ST8SIA4: variants seen among roughly 807,000 people sequenced by gnomAD.
The protein encoded by ST8SIA4 is ST8 alpha-N-acetyl-neuraminide alpha-2,8-sialyltransferase 4, also known as CMP-N-acetylneuraminate-poly-alpha-2,8-sialyltransferase.
ST8SIA4 carries 15 observed loss-of-function variants against 33.9 expected under a neutral mutation model. That is an observed-to-expected ratio of 0.44 (90% confidence interval 0.30 to 0.68). ST8SIA4 has a LOEUF of 0.68. Ranked by LOEUF, ST8SIA4 falls within the 30% of genes least tolerant of loss-of-function variation. The probability of loss-of-function intolerance (pLI) is 0.10; values close to 1 mark genes in which losing one functional copy is unlikely to be tolerated. For missense variants in ST8SIA4, 321 were observed against 428.0 expected (o/e 0.75, Z 2.21); for synonymous variants, 171 against 151.2 (o/e 1.13, Z -0.96).
intron 4 of ST8SIA4, among the ~76,000 whole-genome samples, chr5:100,847,366 A>G (rs1751591937): frequency 6.6e-6 from 1 of 152,010 alleles, no homozygotes; most frequent in Non-Finnish European, 1.5e-5. Flanking sequence ...TCTATTGATG[A>G]TGTATTTTAG....
chr5:100,852,312 G>C (rs545108890), intron 4 of ST8SIA4, among the ~76,000 whole-genome samples: 1 of 151,376 alleles, frequency 6.6e-6, no homozygotes, highest in Admixed American at 6.6e-5. Context: ...AGTAGAGGCG[G>C]GGTTTCGCCA....
intron 4 of ST8SIA4, among the ~76,000 whole-genome samples, chr5:100,823,411 C>A (rs926342159): frequency 6.6e-6 from 1 of 152,186 alleles, no homozygotes; most frequent in African/African-American, 2.4e-5. Flanking sequence ...TCTTATATTC[C>A]TTTACTTTCT....
chr5:100,820,288 A>G (rs1048891023), intron 4 of ST8SIA4, among the ~76,000 whole-genome samples: 1 of 152,094 alleles, frequency 6.6e-6, no homozygotes. Context: ...AACTACCCCT[A>G]CTTTATCTGA....
chr5:100,817,350 G>T (rs1750952377), intron 4 of ST8SIA4, among the ~76,000 whole-genome samples: 1 of 151,952 alleles, frequency 6.6e-6, no homozygotes, highest in African/African-American at 2.4e-5. Flanking sequence ...ACCTAATAGA[G>T]ACCATTTATG....
intron 1 of ST8SIA4, among the ~76,000 whole-genome samples, chr5:100,901,628 C>G (rs1177353432): frequency 6.6e-6 from 1 of 152,144 alleles, no homozygotes; most frequent in Non-Finnish European, 1.5e-5. Flanking sequence ...TGATGCATGA[C>G]GACCATTCCA....
intron 4 of ST8SIA4, among the ~76,000 whole-genome samples, chr5:100,853,822 G>A (rs562628604): frequency 6.6e-6 from 1 of 152,196 alleles, no homozygotes; most frequent in Non-Finnish European, 1.5e-5. Flanking sequence ...TTTGGTTTTG[G>A]TATTGGATTG....
At chr5:100,881,676 T>A (rs1263288158) in intron 3 of ST8SIA4, among the ~76,000 whole-genome samples, 1 of 152,166 alleles carries the variant, frequency 6.6e-6, no homozygotes, top group Admixed American at 6.5e-5. Flanking sequence ...CCCACCCAAA[T>A]CTCATCTTGC....
intron 4 of ST8SIA4, among the ~76,000 whole-genome samples, chr5:100,818,858 A>G (rs2112401398): frequency 6.6e-6 from 1 of 152,298 alleles, no homozygotes; most frequent in African/African-American, 2.4e-5. Context: ...GTACCGATGT[A>G]TGTTATCTGA....
intron 3 of ST8SIA4, among the ~76,000 whole-genome samples, chr5:100,870,718 C>G (rs554405555): frequency 6.6e-6 from 1 of 152,042 alleles, no homozygotes; most frequent in Non-Finnish European, 1.5e-5. Context: ...AGCTGTACCT[C>G]TCATCACAAC....
At position 100,811,838 on chromosome 5, in the gene ST8SIA4, A is replaced by G; in HGVS notation, c.*9T>C. 2 of 1,592,436 alleles carry G rather than the reference A, an allele frequency of 1.3e-6. No individual in the cohort carries two copies. The highest frequency in any genetic ancestry group is 2.2e-5 in the East Asian group (1 of 44,542). On this transcript the variant is annotated 3_prime_UTR_variant, in exon 5 of 5. Transcript: ENST00000231461. The stretch of plus-strand genomic sequence containing the variant: ...AAAGAAGTGCATATTGTTTGTTTCA[A>G]AATGTGCTTTATTGCTTTACACACT...
chr5:100,858,060 C>T (rs985964405), intron 3 of ST8SIA4, among the ~76,000 whole-genome samples: 1 of 151,840 alleles, frequency 6.6e-6, no homozygotes, highest in African/African-American at 2.4e-5. Context: ...TTGCTGCATG[C>T]GAATACTTGT....
intron 3 of ST8SIA4, among the ~76,000 whole-genome samples, chr5:100,872,656 A>G (rs1418224072): frequency 1.3e-5 from 2 of 151,940 alleles, no homozygotes; most frequent in African/African-American, 4.8e-5. Flanking sequence ...CTTTCCTGCC[A>G]CCCTGTGAAG....
intron 4 of ST8SIA4, among the ~76,000 whole-genome samples, chr5:100,829,865 G>A (rs915023054): frequency 1.4e-5 from 2 of 146,866 alleles, no homozygotes; most frequent in Non-Finnish European, 3.0e-5. Flanking sequence ...CCGAGATCGC[G>A]CCACTGCACT....
intron 4 of ST8SIA4, among the ~76,000 whole-genome samples, chr5:100,814,206 A>G (rs1750869130): frequency 6.6e-6 from 1 of 152,034 alleles, no homozygotes; most frequent in African/African-American, 2.4e-5. Context: ...AAATTTTTTG[A>G]TACAGGACAT....
intron 2 of ST8SIA4, among the ~76,000 whole-genome samples, chr5:100,895,326 G>T (rs896929183): frequency 6.6e-6 from 1 of 152,034 alleles, no homozygotes; most frequent in South Asian, 2.1e-4. Context: ...CAATAGGGAA[G>T]TTAAAGATAA....
intron 4 of ST8SIA4, among the ~76,000 whole-genome samples, chr5:100,816,974 G>T (rs1328790387): frequency 2.0e-5 from 3 of 147,850 alleles, no homozygotes; most frequent in Admixed American, 6.8e-5. Context: ...TCACTCTGTC[G>T]CTGTGTCACC....
chr5:100,895,077 G>A (rs1254519429), intron 2 of ST8SIA4, among the ~76,000 whole-genome samples: 1 of 151,978 alleles, frequency 6.6e-6, no homozygotes, highest in East Asian at 1.9e-4. Flanking sequence ...CTGGATAAAC[G>A]TAGGCATGGA....
intron 3 of ST8SIA4, among the ~76,000 whole-genome samples, chr5:100,865,122 C>G (rs1752036073): frequency 6.6e-6 from 1 of 152,114 alleles, no homozygotes; most frequent in African/African-American, 2.4e-5. Context: ...TCCAGTTTAC[C>G]CAGTTTTCTT....
chr5:100,900,894 C>A (rs1396256927), intron 1 of ST8SIA4, among the ~76,000 whole-genome samples: 1 of 152,228 alleles, frequency 6.6e-6, no homozygotes, highest in Non-Finnish European at 1.5e-5. Context: ...CAGGGGATAA[C>A]CCCGGTGCGC....
Sources: gnomAD v4.1 joint callset for allele counts (sites outside exome capture counted in the v4.1 genomes callset) on GRCh38, gnomAD v4.1.1 for gene constraint, MANE v1.5 for transcripts, NCBI Gene and HGNC (gene_info 2026-07-23, HGNC 2026-07-21) for gene names.